PALM2AKAP2: variants seen among roughly 807,000 people sequenced by gnomAD.
PALM2AKAP2 encodes the protein PALM2 and AKAP2 fusion.
PALM2AKAP2 carries 37 observed loss-of-function variants against 71.5 expected under a neutral mutation model. That is an observed-to-expected ratio of 0.52 (90% CI 0.40 to 0.68). PALM2AKAP2 has a LOEUF of 0.68. PALM2AKAP2 is among the 30% of genes least tolerant of loss of function. The probability of loss-of-function intolerance (pLI) is 0.00; values close to 1 mark genes in which losing one functional copy is unlikely to be tolerated. For synonymous variants in PALM2AKAP2, 468 were observed against 478.8 expected, an observed-to-expected ratio of 0.98 and a Z score of 0.29; for missense variants, 1,224 against 1,191.8, an observed-to-expected ratio of 1.03 and a Z score of -0.40.
At chr9:110,079,041 C>G (rs111621104) in intron 1 of PALM2AKAP2, among the ~76,000 whole-genome samples, 6,627 of 152,252 alleles carry the variant, frequency 0.044, 225 homozygotes, top group Non-Finnish European at 0.057. Context: ...CTTTTAAAAT[C>G]AGTACTTTGC....
Position 110,083,581 on chromosome 9 carries a change from TG to T in PALM2AKAP2, c.156+34727del, listed in dbSNP as rs377678264. On this transcript the variant is annotated intron_variant, in intron 1 of 3. Transcript: ENST00000374525. ...AAGTTTTTTGTTTTTTGGTTTGGTT[TG>T]TTTTTTTTCCTACTTATCTGTCTGC... 1.9e-3 allele frequency among the ~76,000 whole-genome samples: 290 copies of T among 152,374 alleles called. 2 individuals are homozygous for T. Among genetic ancestry groups the T allele is most frequent in the South Asian group, 0.013 (62 of 4,828 alleles).
Position 110,137,209 on chromosome 9 carries a change from T to C in PALM2AKAP2, c.1239T>C (p.Ser413=), listed in dbSNP as rs1371130736. ...TTGTCACAGAGCAGATAGATTTCTC[T>C]GCTGCTCGCAAACAATTTCAGCTGA... The change falls in exon 2 of 4, where the codon TCT becomes TCC. Residue 413 remains serine (S), a synonymous_variant. Transcript: ENST00000374525. 3.7e-6 allele frequency: 6 copies of C among 1,614,058 alleles called. No individual in the cohort carries two copies. The African/African-American group carries it at 4.0e-5, about 11-fold the overall frequency.
intron 6 of PALM2AKAP2, among the ~76,000 whole-genome samples, chr9:109,946,961 A>T (rs996978330): frequency 3.3e-5 from 5 of 152,180 alleles, no homozygotes; most frequent in South Asian, 2.1e-4. Context: ...TTCAGCTTGT[A>T]TCTCTTTTAC....
intron 6 of PALM2AKAP2, among the ~76,000 whole-genome samples, chr9:109,966,993 G>A (rs1831962235): frequency 6.6e-6 from 1 of 152,208 alleles, no homozygotes; most frequent in East Asian, 1.9e-4. Flanking sequence ...TCCAAACCTA[G>A]AAGCTAAAAC....
At chr9:109,922,479 G>A (rs1390918978) in intron 3 of PALM2AKAP2, among the ~76,000 whole-genome samples, 1 of 145,822 alleles carries the variant, frequency 6.9e-6, no homozygotes, top group African/African-American at 2.5e-5. Context: ...AGGAAGGCAA[G>A]GGAGGGGACT....
chr9:110,014,841 TATATATATATAC>T (rs1204220914), intron 6 of PALM2AKAP2, among the ~76,000 whole-genome samples: 10 of 97,104 alleles, frequency 1.0e-4, no homozygotes, highest in African/African-American at 4.0e-4. Flanking sequence ...TATATATATA[TATATATATATAC>T]ACACACACAC....
At chr9:109,808,551 C>T (rs1381151823) in intron 1 of PALM2AKAP2, among the ~76,000 whole-genome samples, 1 of 152,170 alleles carries the variant, frequency 6.6e-6, no homozygotes, top group East Asian at 1.9e-4. Context: ...GGAATTATAA[C>T]TTATCTTTAA....
intron 1 of PALM2AKAP2, among the ~76,000 whole-genome samples, chr9:110,113,794 A>G (rs1294091738): frequency 1.3e-5 from 2 of 152,112 alleles, no homozygotes; most frequent in Non-Finnish European, 2.9e-5. Context: ...CGGCCTCCCA[A>G]AGTGCTGGGA....
intron 1 of PALM2AKAP2, among the ~76,000 whole-genome samples, chr9:110,099,763 A>G (rs1174036052): frequency 6.6e-6 from 1 of 152,130 alleles, no homozygotes; most frequent in Non-Finnish European, 1.5e-5. Context: ...CTGCTTGGAC[A>G]TGGCAGGTAA....
At chr9:109,964,374 C>CAGGCGGAGGCAG in intron 6 of PALM2AKAP2, among the ~76,000 whole-genome samples, 1 of 151,974 alleles carries the variant, frequency 6.6e-6, no homozygotes, top group East Asian at 1.9e-4. Context: ...TGGGCTACTG[C>CAGGCGGAGGCAG]AGGCAGAGGC....
chr9:110,123,652 G>A (rs1835537113), intron 1 of PALM2AKAP2, among the ~76,000 whole-genome samples: 1 of 152,172 alleles, frequency 6.6e-6, no homozygotes, highest in Non-Finnish European at 1.5e-5. Context: ...TGAGACACCA[G>A]GTCATTTGCA....
At chr9:109,934,180 A>G (rs902520855) in intron 6 of PALM2AKAP2, among the ~76,000 whole-genome samples, 8 of 152,208 alleles carry the variant, frequency 5.3e-5, no homozygotes, top group African/African-American at 1.9e-4. Flanking sequence ...AATCCTTAAC[A>G]TAGCAGCCCT....
chr9:109,733,501 C>A (rs568730795), intron 1 of PALM2AKAP2, among the ~76,000 whole-genome samples: 2 of 152,214 alleles, frequency 1.3e-5, no homozygotes, highest in Admixed American at 1.3e-4. Flanking sequence ...TGGTGTGGTA[C>A]AAAGCAGAGA....
intron 1 of PALM2AKAP2, among the ~76,000 whole-genome samples, chr9:109,694,739 C>G (rs778067309): frequency 1.5e-4 from 23 of 151,874 alleles, no homozygotes; most frequent in Non-Finnish European, 2.7e-4. Flanking sequence ...AAAAGAAGAC[C>G]AAGAGTCAGT....
intron 7 of PALM2AKAP2, among the ~76,000 whole-genome samples, chr9:110,038,190 A>C (rs1267405903): frequency 6.6e-6 from 1 of 152,046 alleles, no homozygotes; most frequent in Non-Finnish European, 1.5e-5. Flanking sequence ...AGAACAAAAA[A>C]ATTAGCCAGG....
intron 1 of PALM2AKAP2, among the ~76,000 whole-genome samples, chr9:109,846,762 C>T (rs1319658182): frequency 6.6e-6 from 1 of 152,222 alleles, no homozygotes; most frequent in Non-Finnish European, 1.5e-5. Context: ...TCACTCCCTT[C>T]CTTCCTCCAG....
At chr9:110,158,547 G>A (rs1260839858) in intron 3 of PALM2AKAP2, among the ~76,000 whole-genome samples, 1 of 152,144 alleles carries the variant, frequency 6.6e-6, no homozygotes, top group Non-Finnish European at 1.5e-5. Context: ...TTGTGCACAC[G>A]CTGACACTCT....
chr9:109,977,524 A>G (rs1832192584), intron 6 of PALM2AKAP2, among the ~76,000 whole-genome samples: 1 of 152,202 alleles, frequency 6.6e-6, no homozygotes, highest in Non-Finnish European at 1.5e-5. Context: ...TGTGAGAAGG[A>G]TCATGTGTTT....
intron 1 of PALM2AKAP2, among the ~76,000 whole-genome samples, chr9:109,817,767 G>A (rs1827889055): frequency 6.6e-6 from 1 of 152,110 alleles, no homozygotes; most frequent in South Asian, 2.1e-4. Context: ...TTTTATTTAC[G>A]CTTGGAAACA....
Sources: allele counts gnomAD v4.1 joint callset (sites outside exome capture counted in the v4.1 genomes callset), GRCh38; gene constraint gnomAD v4.1.1; transcripts MANE v1.5; gene names NCBI Gene and HGNC (gene_info 2026-07-23, HGNC 2026-07-21).